Variants in OLFM3 observed in about 807,000 individuals in gnomAD.
OLFM3 encodes the protein noelin-3.
OLFM3 carries 20 observed loss-of-function variants against 48.6 expected under a neutral mutation model. That is an observed-to-expected ratio of 0.41 (90% CI 0.29 to 0.60). The LOEUF is 0.60. OLFM3 is among the 20% of genes least tolerant of loss of function. OLFM3 has a pLI of 0.28. For missense variants in OLFM3, 437 were observed against 544.3 expected (o/e 0.80, Z 1.96); for synonymous variants, 222 against 198.1 (o/e 1.12, Z -1.01).
intron 1 of OLFM3, among the ~76,000 whole-genome samples, chr1:101,972,194 T>A (rs1660823194): frequency 6.6e-6 from 1 of 152,210 alleles, no homozygotes; most frequent in Admixed American, 6.5e-5. Context: ...CACCTACTGC[T>A]CCTTGAGCAG....
chr1:101,877,244 T>C (rs1378172792), intron 1 of OLFM3, among the ~76,000 whole-genome samples: 1 of 152,020 alleles, frequency 6.6e-6, no homozygotes, highest in Non-Finnish European at 1.5e-5. Flanking sequence ...TGTTCATTTA[T>C]GATAAAGCTT....
intron 1 of OLFM3, among the ~76,000 whole-genome samples, chr1:101,855,666 C>A (rs530142119): frequency 6.6e-6 from 1 of 152,188 alleles, no homozygotes; most frequent in East Asian, 1.9e-4. Context: ...ACCAGGGAGG[C>A]ATTGACACTC....
chr1:101,934,262 G>A (rs1435594795), intron 1 of OLFM3, among the ~76,000 whole-genome samples: 1 of 151,990 alleles, frequency 6.6e-6, no homozygotes, highest in African/African-American at 2.4e-5. Context: ...AATAAAGGGT[G>A]GAGAAAAATC....
rs569825915 is a variant in OLFM3, at chr1:101,891,954, A to T, written c.70-54929T>A. ...TTACCTAATACTTAGTTCTCCCCAGATCTTAAATTCGTCTTTAGGTACACT... is the reference window on the plus strand; with the variant it reads ...TTACCTAATACTTAGTTCTCCCCAGTTCTTAAATTCGTCTTTAGGTACACT... On this transcript the variant is annotated intron_variant, in intron 1 of 5. Coordinates refer to ENST00000370103, the MANE Select transcript of OLFM3 (RefSeq NM_058170.4). 4.6e-5 allele frequency among the ~76,000 whole-genome samples: 7 copies of T among 152,058 alleles called. No homozygotes were observed. The South Asian group carries it at 8.3e-4, about 18-fold the overall frequency.
At chr1:101,894,959 T>C (rs1658143177) in intron 1 of OLFM3, among the ~76,000 whole-genome samples, 1 of 152,170 alleles carries the variant, frequency 6.6e-6, no homozygotes, top group Non-Finnish European at 1.5e-5. Context: ...ACACTCAGGA[T>C]ACAGGGGACA....
intron 4 of OLFM3, among the ~76,000 whole-genome samples, chr1:101,819,012 A>C (rs567403458): frequency 2.0e-5 from 3 of 152,122 alleles, no homozygotes; most frequent in Non-Finnish European, 4.4e-5. Context: ...AAGGGTGTAA[A>C]GATTTAAAAC....
intron 1 of OLFM3, among the ~76,000 whole-genome samples, chr1:101,895,443 A>G (rs1285610384): frequency 6.6e-6 from 1 of 150,542 alleles, no homozygotes; most frequent in African/African-American, 2.4e-5. Flanking sequence ...ACACACACAC[A>G]CACACTCACT....
chr1:101,922,045 C>T (rs919464328), intron 1 of OLFM3, among the ~76,000 whole-genome samples: 21 of 151,738 alleles, frequency 1.4e-4, no homozygotes, highest in African/African-American at 2.2e-4. Flanking sequence ...GGTAATAGAG[C>T]GAGACTCCAT....
intron 1 of OLFM3, among the ~76,000 whole-genome samples, chr1:101,960,900 T>C (rs1357649684): frequency 6.6e-6 from 1 of 152,196 alleles, no homozygotes; most frequent in Non-Finnish European, 1.5e-5. Context: ...GGTCCATTTA[T>C]TCATCTACTT....
At chr1:101,902,094 C>T (rs1191180003) in intron 1 of OLFM3, among the ~76,000 whole-genome samples, 1 of 151,154 alleles carries the variant, frequency 6.6e-6, no homozygotes, top group Non-Finnish European at 1.5e-5. Flanking sequence ...GGAAATAGAA[C>T]TAGATATAGA....
At chr1:101,910,338 C>A (rs373613217) in intron 1 of OLFM3, among the ~76,000 whole-genome samples, 2 of 151,894 alleles carry the variant, frequency 1.3e-5, no homozygotes, top group African/African-American at 4.8e-5. Flanking sequence ...TGGTAGCGGG[C>A]GCCTGTAATC....
rs1335595012 is a variant in OLFM3 at position 101,870,014 on chromosome 1, A to G, written c.70-32989T>C. Among the ~76,000 whole-genome samples the G allele has an allele frequency of 3.9e-5, 6 of 152,332 alleles. No homozygotes were observed. In the East Asian group the frequency reaches 9.6e-4, roughly 24 times the overall value. ...AATACAGGTAATTATGAAATAATTG[A>G]CCAGCTAAAATGCTTAGTGTAATGC... On this transcript the variant is annotated intron_variant, in intron 1 of 5. Transcript: ENST00000370103.
At chr1:101,890,999 T>C (rs1208916358) in intron 1 of OLFM3, among the ~76,000 whole-genome samples, 1 of 151,982 alleles carries the variant, frequency 6.6e-6, no homozygotes, top group Non-Finnish European at 1.5e-5. Flanking sequence ...TAACCAAATA[T>C]TTAGATAATC....
intron 1 of OLFM3, among the ~76,000 whole-genome samples, chr1:101,872,698 G>A (rs181258515): frequency 6.6e-6 from 1 of 151,944 alleles, no homozygotes; most frequent in African/African-American, 2.4e-5. Context: ...CCTCAACTTG[G>A]CATCAACGAA....
chr1:101,813,763 A>G (rs1044017492), intron 4 of OLFM3, among the ~76,000 whole-genome samples: 3 of 152,104 alleles, frequency 2.0e-5, no homozygotes, highest in South Asian at 4.1e-4. Flanking sequence ...TCTTCCTGCT[A>G]TTACTCTTTA....
intron 4 of OLFM3, among the ~76,000 whole-genome samples, chr1:101,811,008 A>T (rs944768098): frequency 3.3e-5 from 5 of 151,854 alleles, no homozygotes; most frequent in African/African-American, 1.2e-4. Flanking sequence ...CACTAGTTAA[A>T]GGAGAAAATG....
intron 4 of OLFM3, among the ~76,000 whole-genome samples, chr1:101,809,943 T>C (rs938560285): frequency 6.6e-6 from 1 of 151,954 alleles, no homozygotes; most frequent in Non-Finnish European, 1.5e-5. Flanking sequence ...GCCCATAAAC[T>C]AATTACATAA....
At chr1:101,871,229 A>C (rs1657073319) in intron 1 of OLFM3, among the ~76,000 whole-genome samples, 1 of 152,102 alleles carries the variant, frequency 6.6e-6, no homozygotes, top group Admixed American at 6.6e-5. Flanking sequence ...AATATGTTTT[A>C]AGACCATTTT....
intron 1 of OLFM3, among the ~76,000 whole-genome samples, chr1:101,925,243 T>C (rs1008176628): frequency 3.3e-5 from 5 of 151,834 alleles, no homozygotes; most frequent in African/African-American, 1.2e-4. Flanking sequence ...GGGAAGGGCC[T>C]AAATATTTGT....
Sources: gnomAD v4.1 joint callset for allele counts (sites outside exome capture counted in the v4.1 genomes callset) on GRCh38, gnomAD v4.1.1 for gene constraint, MANE v1.5 for transcripts, NCBI Gene and HGNC (gene_info 2026-07-23, HGNC 2026-07-21) for gene names.